Variants in KLF12 observed in about 807,000 individuals in gnomAD.
KLF12 encodes the protein KLF transcription factor 12, also known as Krueppel-like factor 12.
In KLF12, 9 loss-of-function variants were observed where a neutral mutation model predicts 37.8. That is an observed-to-expected ratio of 0.24 (90% CI 0.14 to 0.42). KLF12 has a LOEUF of 0.42. Ranked by LOEUF, KLF12 falls within the 10% of genes least tolerant of loss-of-function variation. The pLI is 1.00. For synonymous variants in KLF12, 208 were observed against 202.1 expected (o/e 1.03, Z -0.25); for missense variants, 411 against 516.0 (o/e 0.80, Z 1.97).
intron 1 of KLF12, among the ~76,000 whole-genome samples, chr13:74,131,385 G>A (rs2139029958): frequency 6.6e-6 from 1 of 152,302 alleles, no homozygotes; most frequent in South Asian, 2.1e-4. Flanking sequence ...GGCCTGGGGA[G>A]AGTGAGTACA....
In KLF12 at chr13:73,764,750, G is replaced by GT. The variant is rs567661509; in HGVS notation, c.869+187dup. ...ACTCAGGGTTTTTGGTGAATGAAGA[G>GT]TTTGGGCTGGAAAGGAACTCTATCA... On this transcript the variant is annotated intron_variant, in intron 6 of 7. Transcript: ENST00000377669. Among the ~76,000 whole-genome samples, 60 of 152,250 alleles carry GT rather than the reference G, an allele frequency of 3.9e-4. 1 individual carries two copies. The highest frequency in any genetic ancestry group is 7.4e-5 in the Non-Finnish European group (5 of 68,006).
At chr13:73,754,173 G>A (rs74321192) in intron 6 of KLF12, among the ~76,000 whole-genome samples, 4,466 of 152,218 alleles carry the variant, frequency 0.029, 106 homozygotes, top group African/African-American at 0.066. Flanking sequence ...AAAAGAGAGA[G>A]TAGCAAGCCA....
At chr13:73,908,039 T>C (rs1470397442) in intron 3 of KLF12, among the ~76,000 whole-genome samples, 1 of 152,188 alleles carries the variant, frequency 6.6e-6, no homozygotes, top group African/African-American at 2.4e-5. Flanking sequence ...CCTGACTTAG[T>C]CTACTGCATC....
At chr13:74,108,707 A>G (rs1354349798) in intron 1 of KLF12, among the ~76,000 whole-genome samples, 1 of 152,224 alleles carries the variant, frequency 6.6e-6, no homozygotes, top group African/African-American at 2.4e-5. Context: ...AGTAAACTAG[A>G]GAAAAGTTAT....
intron 3 of KLF12, among the ~76,000 whole-genome samples, chr13:73,901,544 C>G (rs569752338): frequency 5.9e-5 from 9 of 152,116 alleles, no homozygotes; most frequent in Admixed American, 2.0e-4. Context: ...CTCACTCTGT[C>G]CTGATGGTTA....
In KLF12 at chr13:73,982,488, T is replaced by C. The variant is rs141095837; in HGVS notation, c.33+12502A>G. Among the ~76,000 whole-genome samples, 3 of 152,202 alleles carry C rather than the reference T, an allele frequency of 2.0e-5. No homozygotes were observed. In the East Asian group the frequency reaches 5.8e-4, roughly 29 times the overall value. ...CTGTCAGAAAGGATATCTTCCATCA[T>C]TGAAAGGTAAATGTACACTTAGGCA... On this transcript the variant is annotated intron_variant, in intron 2 of 7. Coordinates refer to ENST00000377669, the MANE Select transcript of KLF12 (RefSeq NM_007249.5).
chr13:74,296,982 T>C, the KLF12 span, among the ~76,000 whole-genome samples: 1 of 152,194 alleles, frequency 6.6e-6, no homozygotes, highest in Non-Finnish European at 1.5e-5. Flanking sequence ...ATCCCAAATA[T>C]GTTTGAAACC....
At chr13:73,709,826 T>C (rs1021516288) in intron 7 of KLF12, among the ~76,000 whole-genome samples, 21 of 152,268 alleles carry the variant, frequency 1.4e-4, no homozygotes, top group South Asian at 2.1e-4. Context: ...GTTTAAAGAA[T>C]TAAGACCTAT....
chr13:73,738,806 G>A (rs745579995), intron 6 of KLF12, among the ~76,000 whole-genome samples: 1 of 152,054 alleles, frequency 6.6e-6, no homozygotes, highest in African/African-American at 2.4e-5. Context: ...GTGGACTGCC[G>A]GCCATCTGTT....
intron 1 of KLF12, among the ~76,000 whole-genome samples, chr13:74,078,885 T>G (rs1874718899): frequency 6.6e-6 from 1 of 152,152 alleles, no homozygotes; most frequent in South Asian, 2.1e-4. Context: ...TCCTAGAGAT[T>G]GTAAAATGTA....
the KLF12 span, among the ~76,000 whole-genome samples, chr13:74,197,656 A>G: frequency 3.3e-5 from 5 of 152,228 alleles, no homozygotes; most frequent in Admixed American, 1.3e-4. Context: ...AGGGAAATAT[A>G]TAAATGTTTC....
intron 6 of KLF12, among the ~76,000 whole-genome samples, chr13:73,750,398 T>C (rs1056518074): frequency 1.5e-4 from 23 of 152,130 alleles, no homozygotes; most frequent in African/African-American, 5.5e-4. Flanking sequence ...CACTGATCAA[T>C]ATGCCTTGAA....
the KLF12 span, among the ~76,000 whole-genome samples, chr13:74,176,032 A>G: frequency 3.3e-5 from 5 of 152,210 alleles, no homozygotes; most frequent in Non-Finnish European, 7.3e-5. Context: ...TTCATGATGA[A>G]CAAAAATTCC....
intron 4 of KLF12, among the ~76,000 whole-genome samples, chr13:73,817,343 G>GAAAAACA (rs151199569): frequency 0.21 from 27,364 of 132,122 alleles, 2,926 homozygotes; most frequent in East Asian, 0.5. Flanking sequence ...AGAAAAAAAA[G>GAAAAACA]AAAAACAAAA....
At position 73,766,985 on chromosome 13, in the gene KLF12, AG is replaced by A. The variant is rs59270450; in HGVS notation, c.807-1986del. Reference sequence around the variant, plus strand: ...AATTCCTTAGGAAAGTCTTTGGAAAAGAAGTCCTGATTGTGTATATGAACAA... The same window carrying A: ...AATTCCTTAGGAAAGTCTTTGGAAAAAAGTCCTGATTGTGTATATGAACAA... On this transcript the variant is annotated intron_variant, in intron 5 of 7. Coordinates refer to ENST00000377669, the MANE Select transcript of KLF12 (RefSeq NM_007249.5). Among the ~76,000 whole-genome samples the A allele has an allele frequency of 4.4e-3, 667 of 152,300 alleles. 7 individuals are homozygous for A. Among genetic ancestry groups the A allele is most frequent in the African/African-American group, 0.015 (625 of 41,572 alleles).
At chr13:74,078,815 G>C (rs1435125777) in intron 1 of KLF12, among the ~76,000 whole-genome samples, 1 of 152,152 alleles carries the variant, frequency 6.6e-6, no homozygotes, top group East Asian at 1.9e-4. Context: ...CTAAATGAGT[G>C]TTTTGTAGAC....
rs1875380298 is a variant in KLF12 at position 74,087,422 on chromosome 13, G to A, written c.-32+46317C>T. ...CTAAGAGGAGAGGCTCAGTTTCACT[G>A]CAAGAGTCCAGAATCTTCTGCCAAA... On this transcript the variant is annotated intron_variant, in intron 1 of 7. Coordinates refer to ENST00000377669, the MANE Select transcript of KLF12 (RefSeq NM_007249.5). Among the ~76,000 whole-genome samples, 3 of 152,004 alleles carry A rather than the reference G, an allele frequency of 2.0e-5. No homozygotes were observed. The South Asian group carries it at 6.2e-4, about 32-fold the overall frequency.
chr13:73,954,268 G>T (rs4885136), intron 2 of KLF12, among the ~76,000 whole-genome samples: 7 of 151,864 alleles, frequency 4.6e-5, no homozygotes, highest in Admixed American at 4.6e-4. Flanking sequence ...GAAACCCACC[G>T]CACCCAGCCC....
chr13:73,888,468 A>C (rs1887342289), intron 3 of KLF12, among the ~76,000 whole-genome samples: 1 of 152,228 alleles, frequency 6.6e-6, no homozygotes, highest in East Asian at 1.9e-4. Context: ...AGAGCACTAA[A>C]GACAACTTGT....
Sources: allele counts gnomAD v4.1 joint callset (sites outside exome capture counted in the v4.1 genomes callset), GRCh38; gene constraint gnomAD v4.1.1; transcripts MANE v1.5; gene names NCBI Gene and HGNC (gene_info 2026-07-23, HGNC 2026-07-21).